Variants in MICA observed in about 807,000 individuals in gnomAD.
MICA encodes the protein MHC class I polypeptide-related sequence A.
MICA carries 18 observed loss-of-function variants against 34.3 expected under a neutral mutation model. The ratio of observed to expected loss-of-function variants is 0.52; its 90% confidence interval spans 0.36 to 0.78. MICA has a LOEUF of 0.78. Ranked by LOEUF, MICA falls within the 30% of genes least tolerant of loss-of-function variation. The pLI is 0.00. For synonymous variants in MICA, 135 were observed against 156.9 expected, an observed-to-expected ratio of 0.86 and a Z score of 1.04; for missense variants, 333 against 409.4, an observed-to-expected ratio of 0.81 and a Z score of 1.61.
chr6:31,411,886 T>C lies in MICA; in HGVS notation c.614-61T>C. On this transcript the variant is annotated intron_variant, in intron 3 of 5. Coordinates refer to ENST00000449934, the MANE Select transcript of MICA (RefSeq NM_001177519.3). This position sits in a 1 kb window ranked among gnomAD's most constrained non-coding sequence, Gnocchi z 4.3. Reference sequence around the variant, plus strand: ...TGAGAACAGTGAAGAGAAACAGCCCTGTTCCTCTCCCCTCCTTAGAGGGGA... The same window carrying C: ...TGAGAACAGTGAAGAGAAACAGCCCCGTTCCTCTCCCCTCCTTAGAGGGGA... 1.3e-6 allele frequency: 2 copies of C among 1,563,198 alleles called. No homozygotes were observed. The highest frequency in any genetic ancestry group is 1.7e-6 in the Non-Finnish European group (2 of 1,155,982).
At position 31,412,078 on chromosome 6, in the gene MICA, G is replaced by A. The variant is rs542426798; in HGVS notation, c.745G>A (p.Asp249Asn). ...WRQDGVSLSH[D>N]TQQWGDVLPD... ...TCAGGATGGGGTATCTTTGAGCCAC[G>A]ACACCCAGCAGTGGGGGGATGTCCT... Residue 249 changes from aspartate (D) to asparagine (N), a missense_variant, in exon 4 of 6, where the codon GAC (aspartate) becomes AAC (asparagine). Physicochemically the swap from Asp to Asn is conservative, Grantham distance 23 (BLOSUM62 1). Transcript: ENST00000449934. 33 of 1,613,168 alleles carry A rather than the reference G, an allele frequency of 2.0e-5. No homozygotes were observed. Among genetic ancestry groups the A allele is most frequent in the African/African-American group, 4.0e-5 (3 of 74,804 alleles).
chr6:31,412,369 T>C lies in MICA; in HGVS notation c.937T>C (p.Ser313Pro). ...GAGTCATTGGCAGACATTCCATGTTTCTGCTGTTGCTGCTGGCTGCTGCTA... is the reference window on the plus strand; with the variant it reads ...GAGTCATTGGCAGACATTCCATGTTCCTGCTGTTGCTGCTGGCTGCTGCTA... ...LQSHWQTFHV[S>P]AVAAGCCYFC... The change falls in exon 5 of 6, where the codon TCT becomes CCT. Residue 313 changes from serine to proline, a missense_variant. Coordinates refer to ENST00000449934, the MANE Select transcript of MICA (RefSeq NM_001177519.3). 1.3e-6 allele frequency: 2 copies of C among 1,522,542 alleles called. No individual in the cohort carries two copies. The highest frequency in any genetic ancestry group is 1.7e-6 in the Non-Finnish European group (2 of 1,147,568). 94.3% of individuals were successfully genotyped at this position (1,522,542 alleles called of 1,614,324 possible).
At position 31,410,652 on chromosome 6, in the gene MICA, C is replaced by T. The variant is rs770167960; in HGVS notation, c.180C>T (p.Asp60=). 1 of 1,613,586 alleles carries T rather than the reference C, an allele frequency of 6.2e-7. No individual in the cohort carries two copies. The highest frequency in any genetic ancestry group is 1.1e-5 in the South Asian group (1 of 91,056). The change falls in exon 2 of 6, where the codon GAC becomes GAT. Residue 60 remains aspartate (D), a synonymous_variant. Transcript: ENST00000449934. ...HLDGQPFLRY[D]RQKCRAKPQG... Reference sequence around the variant, plus strand: ...ATGGTCAGCCCTTCCTGCGCTATGACAGGCAGAAATGCAGGGCAAAGCCCC... The same window carrying T: ...ATGGTCAGCCCTTCCTGCGCTATGATAGGCAGAAATGCAGGGCAAAGCCCC...
Position 31,410,632 on chromosome 6 carries a change from C to T in MICA, c.160C>T (p.Gln54Ter), listed in dbSNP as rs1771061098. The change falls in exon 2 of 6, where the codon CAG becomes TAG. Residue 54 changes from glutamine (Q) to a stop codon, truncating the protein, a stop_gained. Coordinates refer to ENST00000449934, the MANE Select transcript of MICA (RefSeq NM_001177519.3). LOFTEE classifies it high-confidence loss of function. ...GFLAEVHLDG[Q>*]PFLRYDRQKC... ...TCTTGCTGAGGTACATCTGGATGGT[C>T]AGCCCTTCCTGCGCTATGACAGGCA... The T allele has an allele frequency of 6.2e-7, 1 of 1,613,586 alleles. No individual in the cohort carries two copies. Among genetic ancestry groups the T allele is most frequent in the Non-Finnish European group, 8.5e-7 (1 of 1,180,032 alleles).
At position 31,408,625 on chromosome 6, in the gene MICA, T is replaced by C. The variant is rs145848766; in HGVS notation, c.71-1918T>C. Among the ~76,000 whole-genome samples, 437 of 152,054 alleles carry C rather than the reference T, an allele frequency of 2.9e-3. 16 individuals are homozygous for C. The East Asian group carries it at 0.051, about 18-fold the overall frequency. ...TAACCACCATTCTACTTTTTGTTTCTATGAATTTGACCACTCTAGGTACCT... is the reference window on the plus strand; with the variant it reads ...TAACCACCATTCTACTTTTTGTTTCCATGAATTTGACCACTCTAGGTACCT... On this transcript the variant is annotated intron_variant, in intron 1 of 5. Transcript: ENST00000449934.
chr6:31,410,571 G>C lies in MICA; in HGVS notation c.99G>C (p.Thr33=). 1 of 1,613,164 alleles carries C rather than the reference G, an allele frequency of 6.2e-7. No individual in the cohort carries two copies. The highest frequency in any genetic ancestry group is 8.5e-7 in the Non-Finnish European group (1 of 1,179,928). ...AEPHSLRYNL[T]VLSWDGSVQS... ...CCCACAGTCTTCGTTATAACCTCAC[G>C]GTGCTGTCCTGGGATGGATCTGTGC... Residue 33 remains threonine, a synonymous_variant, in exon 2 of 6, where the codon ACG becomes ACC. Transcript: ENST00000449934.
At chr6:31,409,851 T>A (rs1345123575) in intron 1 of MICA, among the ~76,000 whole-genome samples, 1 of 151,896 alleles carries the variant, frequency 6.6e-6, no homozygotes, top group Non-Finnish European at 1.5e-5. Context: ...CAGAACTATT[T>A]GCTGAAAAGA....
At chr6:31,404,204 G>T (rs1770623094) in intron 1 of MICA, among the ~76,000 whole-genome samples, 1 of 151,638 alleles carries the variant, frequency 6.6e-6, no homozygotes, top group African/African-American at 2.4e-5. Flanking sequence ...ACCCGGAGCT[G>T]GTGCTTCCTG....
chr6:31,401,469 T>G (rs1770426417), upstream of MICA, among the ~76,000 whole-genome samples: 2 of 151,606 alleles, frequency 1.3e-5, no homozygotes, highest in Non-Finnish European at 2.9e-5. Flanking sequence ...AACGGACACA[T>G]TTCCTGATCT....
At chr6:31,410,898 C>G (rs17206638) in intron 2 of MICA, 101 bp downstream of exon 2, 4 of 1,482,828 alleles carry the variant, frequency 2.7e-6, no homozygotes, top group Non-Finnish European at 3.6e-6. Flanking sequence ...CTGGCTCAGG[C>G]TGGGGGTGAG....
At chr6:31,401,871 C>A (rs778333207), upstream of MICA, among the ~76,000 whole-genome samples, 51 of 151,848 alleles carry the variant, frequency 3.4e-4, no homozygotes, top group Admixed American at 3.0e-3. Flanking sequence ...TAAAAACTCT[C>A]CAGGTGGTTC....
chr6:31,410,909 G>A lies in MICA; in HGVS notation c.325+112G>A, dbSNP rs1343734377. On this transcript the variant is annotated intron_variant, in intron 2 of 5. Coordinates refer to ENST00000449934, the MANE Select transcript of MICA (RefSeq NM_001177519.3). ...GGATCTGGCTCAGGCTGGGGGTGAGGAATGGGGGTCAGTGGAACTCAGCAG... is the reference window on the plus strand; with the variant it reads ...GGATCTGGCTCAGGCTGGGGGTGAGAAATGGGGGTCAGTGGAACTCAGCAG... 5.4e-6 allele frequency: 8 copies of A among 1,475,218 alleles called. 1 individual carries two copies. In the African/African-American group the frequency reaches 1.0e-4, roughly 18 times the overall value. The allele number at this position is 1,475,218 out of a possible 1,614,324, so 91.4% of individuals were successfully genotyped here.
chr6:31,405,562 TACAA>T (rs139454816), intron 1 of MICA, among the ~76,000 whole-genome samples: 1,723 of 152,008 alleles, frequency 0.011, 45 homozygotes, highest in African/African-American at 0.037. Context: ...TTCTTTGTGC[TACAA>T]ACAATCCCAT....
chr6:31,403,694 C>T lies in MICA; in HGVS notation c.62C>T (p.Ala21Val). The T allele has an allele frequency of 2.0e-6, 3 of 1,532,866 alleles. No homozygotes were observed. In the Admixed American group the frequency reaches 6.3e-5, roughly 32 times the overall value. 95.0% of individuals were successfully genotyped at this position (1,532,866 alleles called of 1,614,324 possible). The change falls in exon 1 of 6, where the codon GCT (alanine) becomes GTT (valine). Residue 21 changes from alanine (A) to valine (V), a missense_variant. Physicochemically the swap from Ala to Val is moderately conservative, Grantham distance 64. Coordinates refer to ENST00000449934, the MANE Select transcript of MICA (RefSeq NM_001177519.3). This position sits in a 1 kb window ranked among gnomAD's most constrained non-coding sequence, Gnocchi z 4.7. The part of the protein sequence containing the change: ...AGIFPFAPPG[A>V]AAEPHSLRYN... Reference sequence around the variant, plus strand: ...ATCTTCCCTTTTGCACCTCCGGGAGCTGCTGCTGGTGAGTGGCGTTCCTGG... The same window carrying T: ...ATCTTCCCTTTTGCACCTCCGGGAGTTGCTGCTGGTGAGTGGCGTTCCTGG...
Position 31,412,071 on chromosome 6 carries a change from G to A in MICA, c.738G>A (p.Leu246=). ...ILTWRQDGVS[L]SHDTQQWGDV... is the part of the protein sequence containing the mutation. Reference sequence around the variant, plus strand: ...CCTGGCGTCAGGATGGGGTATCTTTGAGCCACGACACCCAGCAGTGGGGGG... The same window carrying A: ...CCTGGCGTCAGGATGGGGTATCTTTAAGCCACGACACCCAGCAGTGGGGGG... The change falls in exon 4 of 6, where the codon TTG becomes TTA. Residue 246 remains leucine (L), a synonymous_variant. Transcript: ENST00000449934. The A allele has an allele frequency of 6.2e-7, 1 of 1,613,190 alleles. No homozygotes were observed. The highest frequency in any genetic ancestry group is 1.1e-5 in the South Asian group (1 of 91,038).
At chr6:31,402,945 C>T (rs17200067), upstream of MICA, among the ~76,000 whole-genome samples, 5,091 of 151,440 alleles carry the variant, frequency 0.034, 198 homozygotes, top group South Asian at 0.12. Context: ...ACTTCAGACA[C>T]TTAGAGGATA....
chr6:31,406,744 C>A (rs146621668), intron 1 of MICA, among the ~76,000 whole-genome samples: 1,682 of 151,930 alleles, frequency 0.011, 16 homozygotes, highest in South Asian at 0.025. Flanking sequence ...TGGTGAAAGA[C>A]AGGGTCTAGT....
upstream of MICA, among the ~76,000 whole-genome samples, chr6:31,401,633 C>T (rs1461299420): frequency 6.9e-6 from 1 of 145,906 alleles, no homozygotes; most frequent in Non-Finnish European, 1.5e-5. Flanking sequence ...TGCATTCCAA[C>T]TGAGTGACAC....
rs751182756 is a variant in MICA at position 31,411,298 on chromosome 6, T to A, written c.552T>A (p.His184Gln). ...CCAAGACACACTATCACGCTATGCA[T>A]GCAGACTGCCTGCAGGAACTACGGC... is the stretch of plus-strand genomic sequence containing the variant. Reference protein sequence around the residue: ...MKTKTHYHAMHADCLQELRRY... With the variant: ...MKTKTHYHAMQADCLQELRRY... The change falls in exon 3 of 6, where the codon CAT (histidine) becomes CAA (glutamine). Residue 184 changes from histidine (H) to glutamine (Q), a missense_variant. Coordinates refer to ENST00000449934, the MANE Select transcript of MICA (RefSeq NM_001177519.3). The surrounding 1 kb of genome is among the most constrained non-coding windows in gnomAD (Gnocchi z 4.3). 6.2e-7 allele frequency: 1 copy of A among 1,606,232 alleles called. No homozygotes were observed. The highest frequency in any genetic ancestry group is 8.5e-7 in the Non-Finnish European group (1 of 1,177,026).
Sources: allele counts gnomAD v4.1 joint callset (sites outside exome capture counted in the v4.1 genomes callset), GRCh38; gene constraint gnomAD v4.1.1; non-coding constraint Gnocchi (gnomAD v3.1); transcripts MANE v1.5; gene names NCBI Gene and HGNC (gene_info 2026-07-23, HGNC 2026-07-21).